Variants in SORBS2 observed in about 807,000 individuals in gnomAD.
SORBS2 encodes the protein sorbin and SH3 domain-containing protein 2.
A neutral mutation model predicts 97.7 loss-of-function variants in SORBS2; 46 were observed. The ratio of observed to expected loss-of-function variants is 0.47; its 90% CI spans 0.37 to 0.60. The LOEUF is 0.60. Ranked by LOEUF, SORBS2 falls within the 20% of genes least tolerant of loss-of-function variation. SORBS2 has a pLI of 0.00. For missense variants in SORBS2, 1,316 were observed against 1,282.3 expected (o/e 1.03, Z -0.40); for synonymous variants, 476 against 473.4 (o/e 1.01, Z -0.07).
intron 1 of SORBS2, among the ~76,000 whole-genome samples, chr4:185,860,759 A>C (rs2099223283): frequency 6.6e-6 from 1 of 152,190 alleles, no homozygotes; most frequent in Admixed American, 6.5e-5. Context: ...AGGTGGATTC[A>C]AAGACTTTCT....
chr4:185,854,352 C>T (rs981945696), intron 1 of SORBS2, among the ~76,000 whole-genome samples: 1 of 152,154 alleles, frequency 6.6e-6, no homozygotes, highest in African/African-American at 2.4e-5. Context: ...AACTTCTTCA[C>T]CACATCTTCT....
At chr4:185,896,322 G>A (rs1263004199) in intron 1 of SORBS2, among the ~76,000 whole-genome samples, 2 of 152,214 alleles carry the variant, frequency 1.3e-5, no homozygotes, top group African/African-American at 4.8e-5. Flanking sequence ...GATGGCTGAC[G>A]CCTGTAATGC....
intron 2 of SORBS2, among the ~76,000 whole-genome samples, chr4:185,732,592 T>C (rs559317899): frequency 3.3e-5 from 5 of 152,290 alleles, no homozygotes; most frequent in African/African-American, 9.6e-5. Flanking sequence ...AGTGGGTCAG[T>C]TCTGCAGATG....
chr4:185,842,168 C>T (rs1049096539), intron 1 of SORBS2, among the ~76,000 whole-genome samples: 13 of 152,132 alleles, frequency 8.5e-5, no homozygotes, highest in East Asian at 5.8e-4. Flanking sequence ...ATATGAAAGA[C>T]GATGTGTAGG....
chr4:185,721,276 T>C (rs4861679), intron 2 of SORBS2, among the ~76,000 whole-genome samples: 122,732 of 151,810 alleles, frequency 0.81, 50,291 homozygotes, highest in Non-Finnish European at 0.89. Context: ...GGTTTTGCCA[T>C]GTTGGCCAGG....
intron 1 of SORBS2, among the ~76,000 whole-genome samples, chr4:185,800,278 A>C (rs960868013): frequency 1.3e-5 from 2 of 152,202 alleles, no homozygotes; most frequent in South Asian, 4.1e-4. Context: ...AAAAGACTGA[A>C]TCCAAGAAAT....
chr4:185,790,781 G>C (rs1309766614), intron 1 of SORBS2, among the ~76,000 whole-genome samples: 3 of 152,088 alleles, frequency 2.0e-5, no homozygotes, highest in African/African-American at 7.2e-5. Flanking sequence ...TAAACAACTG[G>C]CTTTATTTAG....
At chr4:185,805,814 C>T (rs932700879) in intron 1 of SORBS2, among the ~76,000 whole-genome samples, 4 of 152,184 alleles carry the variant, frequency 2.6e-5, no homozygotes, top group Non-Finnish European at 4.4e-5. Flanking sequence ...GTTAAATGCA[C>T]GCGTTTTGGA....
intron 1 of SORBS2, among the ~76,000 whole-genome samples, chr4:185,912,185 C>G (rs972581271): frequency 6.6e-6 from 1 of 152,094 alleles, no homozygotes. Flanking sequence ...TTTCTTTTCT[C>G]AGTGGTGTGT....
At chr4:185,626,931 T>A in exon 6 of SORBS2, 1 of 1,614,210 alleles carries the variant, frequency 6.2e-7, no homozygotes, top group Non-Finnish European at 8.5e-7. Flanking sequence ...CTAGTCCTGC[T>A]CGCACTTTGA....
chr4:185,774,276 G>C (rs2098988720), intron 2 of SORBS2: 1 of 152,240 alleles, frequency 6.6e-6, no homozygotes, highest in African/African-American at 2.4e-5. Flanking sequence ...CCTGAAGTCT[G>C]TGTTGGGGAG....
In SORBS2 at chr4:185,917,144, G is replaced by A. The variant is rs145273939; in HGVS notation, c.-338+39052C>T. ...GCTGAATACATGGAGTTTCCTGGAG[G>A]GCGGTGTGGCAGGGAAGGCACAGAA... On this transcript the variant is annotated intron_variant, in intron 1 of 20. Coordinates refer to the SORBS2 transcript ENST00000284776. Among the ~76,000 whole-genome samples the A allele has an allele frequency of 3.4e-3, 522 of 152,316 alleles. 2 individuals carry two copies. The highest frequency in any genetic ancestry group is 6.0e-3 in the Non-Finnish European group (406 of 68,028).
intron 2 of SORBS2, among the ~76,000 whole-genome samples, chr4:185,686,236 C>T (rs942192841): frequency 6.6e-6 from 1 of 151,810 alleles, no homozygotes; most frequent in Admixed American, 6.6e-5. Flanking sequence ...GTTTATTGGA[C>T]ATGACAGAAT....
intron 2 of SORBS2, among the ~76,000 whole-genome samples, chr4:185,733,129 T>C (rs1200982247): frequency 1.3e-5 from 2 of 152,238 alleles, no homozygotes; most frequent in African/African-American, 4.8e-5. Context: ...CCCAATTGGT[T>C]GCACTTTGTT....
chr4:185,624,648 A>G (rs2096779220), intron 6 of SORBS2, among the ~76,000 whole-genome samples, 154 bp from the exon 19 acceptor site: 2 of 152,182 alleles, frequency 1.3e-5, no homozygotes, highest in African/African-American at 4.8e-5. Flanking sequence ...TCACACATGG[A>G]GCTTCAACTC....
At chr4:185,690,499 T>G in intron 2 of SORBS2, 63 bp downstream of exon 4, 1 of 1,092,378 alleles carries the variant, frequency 9.2e-7, no homozygotes, top group Non-Finnish European at 1.3e-6. Flanking sequence ...AACTAATGAT[T>G]TAGGGCCAAC....
In SORBS2 at chr4:185,623,476, G is replaced by A. The variant is rs1269973210; in HGVS notation, c.1653C>T (p.His551=). 3 of 1,613,128 alleles carry A rather than the reference G, an allele frequency of 1.9e-6. No homozygotes were observed. The highest frequency in any genetic ancestry group is 2.5e-6 in the Non-Finnish European group (3 of 1,179,990). The change falls in exon 7 of 15, where the codon CAC becomes CAT. Residue 551 remains histidine (H), a synonymous_variant. Coordinates refer to ENST00000418609, the Ensembl canonical transcript of SORBS2. This position sits in a 1 kb window ranked among gnomAD's most constrained non-coding sequence, Gnocchi z 6.4. ...AGCTGATGAGGTGGCGGTGGTGGTG[G>A]TGGTGGTGATGGTGGTGGTGGTGGC...
chr4:185,883,924 C>T (rs1412586899), intron 1 of SORBS2, among the ~76,000 whole-genome samples: 3 of 152,130 alleles, frequency 2.0e-5, no homozygotes, highest in Admixed American at 1.3e-4. Context: ...TTTTGCTAAG[C>T]GAAAGATATC....
chr4:185,840,933 A>C (rs2099211116), intron 1 of SORBS2, among the ~76,000 whole-genome samples: 1 of 152,058 alleles, frequency 6.6e-6, no homozygotes, highest in African/African-American at 2.4e-5. Context: ...CAGAGGGGCA[A>C]GAGGGAGGGG....
Sources: allele counts gnomAD v4.1 joint callset (sites outside exome capture counted in the v4.1 genomes callset), GRCh38; gene constraint gnomAD v4.1.1; non-coding constraint Gnocchi (gnomAD v3.1); transcripts MANE v1.5; gene names NCBI Gene and HGNC (gene_info 2026-07-23, HGNC 2026-07-21).